ANAPC16: variants seen among roughly 807,000 people sequenced by gnomAD.
ANAPC16 encodes anaphase promoting complex subunit 16.
A neutral mutation model predicts 13.1 loss-of-function variants in ANAPC16; 6 were observed. The observed-to-expected ratio is 0.46, with a 90% CI of 0.25 to 0.90. The LOEUF (loss-of-function observed/expected upper bound fraction) is 0.90. Among genes scored for constraint, ANAPC16 ranks in the 40% least tolerant of loss-of-function variants. ANAPC16 has a pLI of 0.18. For missense variants in ANAPC16, 113 were observed against 131.1 expected (o/e 0.86, Z 0.67); for synonymous variants, 55 against 51.3 (o/e 1.07, Z -0.31).
At chr10:72,217,273 G>C (rs1859516973) in intron 1 of ANAPC16, 1 of 348,762 alleles carries the variant, frequency 2.9e-6, no homozygotes, top group Non-Finnish European at 5.7e-6. Flanking sequence ...AGGAGATCGA[G>C]ACCATCCTGG....
chr10:72,232,120 A>G (rs1208150995), intron 3 of ANAPC16, among the ~76,000 whole-genome samples: 1 of 141,398 alleles, frequency 7.1e-6, no homozygotes, highest in Non-Finnish European at 1.5e-5. Context: ...CAGGAGACAG[A>G]GGTTGCAGTG....
intron 1 of ANAPC16, among the ~76,000 whole-genome samples, chr10:72,218,157 AAAAAAAAAATATATAT>A (rs1859667414): frequency 9.9e-5 from 5 of 50,274 alleles, no homozygotes; most frequent in Admixed American, 8.2e-4. Flanking sequence ...AAAAAAAAAA[AAAAAAAAAATATATAT>A]ATATATATAT....
intron 1 of ANAPC16, among the ~76,000 whole-genome samples, chr10:72,218,140 T>C (rs111589427): frequency 0.056 from 5,198 of 93,448 alleles, 462 homozygotes; most frequent in African/African-American, 0.22. Context: ...AGTGAAACTC[T>C]GTCTCAAAAA....
intron 3 of ANAPC16, 44 bp from the exon 4 acceptor site, chr10:72,232,957 G>A: frequency 1.3e-6 from 2 of 1,503,130 alleles, no homozygotes; most frequent in Non-Finnish European, 9.3e-7. Flanking sequence ...CAGTCTCTTG[G>A]GTAATACGTT....
At position 72,221,252 on chromosome 10, in the gene ANAPC16, T is replaced by C. The variant is rs1355086884; in HGVS notation, c.-27-2636T>C. Among the ~76,000 whole-genome samples, 2 of 152,168 alleles carry C rather than the reference T, an allele frequency of 1.3e-5. 1 individual carries two copies. Among genetic ancestry groups the C allele is most frequent in the African/African-American group, 4.8e-5 (2 of 41,436 alleles). On this transcript the variant is annotated intron_variant, in intron 1 of 3. Transcript: ENST00000299381. ...TCCTTTCTTTTAATTGGGCTAAAAT[T>C]CACATAACATAAAATTAACCATTTG...
chr10:72,225,376 T>C (rs887214610), intron 2 of ANAPC16, among the ~76,000 whole-genome samples: 7 of 152,068 alleles, frequency 4.6e-5, no homozygotes, highest in Non-Finnish European at 7.3e-5. Flanking sequence ...GAGTCCATTT[T>C]TTACCAGCAT....
chr10:72,235,830 A>G lies in ANAPC16; in HGVS notation c.*2714A>G, dbSNP rs1589721609. On this transcript the variant is annotated 3_prime_UTR_variant, in exon 4 of 4. Transcript: ENST00000299381. ...TTATATGACCTTGGAAACTGAAGTG[A>G]TCTTAGCATTAAACAAAAATGCTTT... 1 of 152,194 alleles carries G rather than the reference A, an allele frequency of 6.6e-6. No individual in the cohort carries two copies. Among genetic ancestry groups the G allele is most frequent in the East Asian group, 1.9e-4 (1 of 5,202 alleles). The allele number at this position is 152,194 out of a possible 1,614,324, so 9.4% of individuals were successfully genotyped here. A position where few individuals can be genotyped will look rare whatever the true frequency, so the allele number is the denominator to read the frequency against.
intron 1 of ANAPC16, among the ~76,000 whole-genome samples, chr10:72,221,424 C>T (rs1859926831): frequency 6.6e-6 from 1 of 151,820 alleles, no homozygotes; most frequent in African/African-American, 2.4e-5. Context: ...TCAGTCACAC[C>T]AGTTTATAGG....
rs1206706461 is a variant in ANAPC16 at position 72,218,160 on chromosome 10, AAAAAAATATATATATATATAT to A, written c.-28+2024_-28+2044del. ...AACTCTGTCTCAAAAAAAAAAAAAA[AAAAAAATATATATATATATAT>A]ATATATATATATATATATATATATA... On this transcript the variant is annotated intron_variant, in intron 1 of 3. Transcript: ENST00000299381. Among the ~76,000 whole-genome samples, 81 of 39,148 alleles carry A rather than the reference AAAAAAATATATATATATATAT, an allele frequency of 2.1e-3. 4 individuals carry two copies. The highest frequency in any genetic ancestry group is 6.3e-3 in the South Asian group (6 of 946). 25.7% of individuals were successfully genotyped at this position (39,148 alleles called of 152,430 possible). A position where few individuals can be genotyped will look rare whatever the true frequency, so the allele number is the denominator to read the frequency against.
chr10:72,231,441 C>G (rs887400673), intron 3 of ANAPC16, among the ~76,000 whole-genome samples: 1 of 152,102 alleles, frequency 6.6e-6, no homozygotes, highest in Admixed American at 6.6e-5. Flanking sequence ...ACGTGGGAGG[C>G]TGAGTTGGGA....
chr10:72,221,926 C>T (rs9415056), intron 1 of ANAPC16, among the ~76,000 whole-genome samples: 62,492 of 149,454 alleles, frequency 0.42, 14,058 homozygotes, highest in Non-Finnish European at 0.52. Flanking sequence ...GATTGGGTTT[C>T]ACCATGTTGG....
intron 3 of ANAPC16, among the ~76,000 whole-genome samples, chr10:72,231,097 A>G (rs140885957): frequency 5.3e-5 from 8 of 152,222 alleles, no homozygotes; most frequent in African/African-American, 1.9e-4. Context: ...CCAGGCCTTC[A>G]TTTCTGCATC....
chr10:72,217,048 C>A (rs1232477822), intron 1 of ANAPC16: 1 of 454,204 alleles, frequency 2.2e-6, no homozygotes, highest in Non-Finnish European at 4.4e-6. Context: ...GTCGTTTGTT[C>A]ATCATTCATT....
chr10:72,217,094 A>G lies in ANAPC16; in HGVS notation c.-28+956A>G, dbSNP rs1251399749. On this transcript the variant is annotated intron_variant, in intron 1 of 3. Transcript: ENST00000299381. The stretch of plus-strand genomic sequence containing the variant: ...GCTCGGGACTGGAAGCACAGTGGAA[A>G]CACTGCCCCAGGTTCTGTGCTCGGC... 5 of 453,850 alleles carry G rather than the reference A, an allele frequency of 1.1e-5. No individual in the cohort carries two copies. In the Admixed American group the frequency reaches 1.2e-4, roughly 11 times the overall value. 28.1% of individuals were successfully genotyped at this position (453,850 alleles called of 1,614,324 possible).
intron 3 of ANAPC16, among the ~76,000 whole-genome samples, chr10:72,231,216 A>G (rs995330183): frequency 2.6e-5 from 4 of 152,094 alleles, no homozygotes; most frequent in Non-Finnish European, 4.4e-5. Flanking sequence ...TCACTATGGC[A>G]TAGAGGATGA....
chr10:72,224,542 G>T (rs753017805), intron 2 of ANAPC16, among the ~76,000 whole-genome samples: 6 of 151,900 alleles, frequency 3.9e-5, no homozygotes, highest in African/African-American at 1.2e-4. Flanking sequence ...GAACCTGGGA[G>T]GTAGAAGTTG....
At chr10:72,228,630 C>T (rs137973587) in intron 2 of ANAPC16, among the ~76,000 whole-genome samples, 296 of 152,242 alleles carry the variant, frequency 1.9e-3, no homozygotes, top group African/African-American at 6.5e-3. Flanking sequence ...CAGCTGACTC[C>T]GTTCTGGAGC....
At chr10:72,231,386 AC>A (rs1423652809) in intron 3 of ANAPC16, among the ~76,000 whole-genome samples, 9 of 151,998 alleles carry the variant, frequency 5.9e-5, no homozygotes, top group Non-Finnish European at 1.3e-4. Flanking sequence ...AAAAGAAAAT[AC>A]AAAAATTAGT....
At chr10:72,216,835 T>A (rs1415937826) in intron 1 of ANAPC16, 1 of 456,162 alleles carries the variant, frequency 2.2e-6, no homozygotes, top group African/African-American at 2.0e-5. Context: ...CAGGGCCAAG[T>A]CCCAGGATAC....
Sources: gnomAD v4.1 joint callset for allele counts (sites outside exome capture counted in the v4.1 genomes callset) on GRCh38, gnomAD v4.1.1 for gene constraint, MANE v1.5 for transcripts, NCBI Gene and HGNC (gene_info 2026-07-23, HGNC 2026-07-21) for gene names.